Variants in MYH14 observed in about 807,000 individuals in gnomAD.
The protein encoded by MYH14 is myosin heavy chain 14.
A neutral mutation model predicts 255.5 loss-of-function variants in MYH14; 123 were observed. That is an observed-to-expected ratio of 0.48 (90% CI 0.42 to 0.56). The LOEUF (loss-of-function observed/expected upper bound fraction) is 0.56, where lower values mean the gene tolerates loss of function less well. MYH14 is among the 20% of genes least tolerant of loss of function. The pLI, the probability that MYH14 is intolerant of heterozygous loss-of-function variation, is 0.00. For missense variants in MYH14, 2,423 were observed against 2,802.3 expected, an observed-to-expected ratio of 0.86 and a Z score of 3.06; for synonymous variants, 1,095 against 1,161.2, an observed-to-expected ratio of 0.94 and a Z score of 1.16.
chr19:50,261,062 CACT>C (rs1334416904), intron 20 of MYH14, among the ~76,000 whole-genome samples: 1 of 82,906 alleles, frequency 1.2e-5, no homozygotes, highest in Non-Finnish European at 2.6e-5. Context: ...TCCCCATCAC[CACT>C]CCCCCATCGC....
intron 30 of MYH14, among the ~76,000 whole-genome samples, chr19:50,278,845 G>A (rs908656824): frequency 7.3e-5 from 11 of 151,558 alleles, no homozygotes; most frequent in African/African-American, 1.5e-4. Context: ...AAAATTAGCC[G>A]GGCGTGATGG....
In MYH14 at chr19:50,310,042, C is replaced by G; in HGVS notation, c.*252C>G. 1 of 595,908 alleles carries G rather than the reference C, an allele frequency of 1.7e-6. No individual in the cohort carries two copies. The highest frequency in any genetic ancestry group is 3.0e-6 in the Non-Finnish European group (1 of 336,402). 36.9% of individuals were successfully genotyped at this position (595,908 alleles called of 1,614,324 possible). On this transcript the variant is annotated 3_prime_UTR_variant, in exon 43 of 43. Transcript: ENST00000642316. ...ACCTTGCTTGTTGGGGGACTGGGTA[C>G]AGTTGGCAAGCTGTGTTTCCATCAG... is the stretch of plus-strand genomic sequence containing the variant.
chr19:50,264,911 T>G (rs2035026052), intron 22 of MYH14, among the ~76,000 whole-genome samples: 1 of 151,972 alleles, frequency 6.6e-6, no homozygotes, highest in Non-Finnish European at 1.5e-5. Context: ...AGGGGGAAAT[T>G]GGAAAGGAAT....
intron 39 of MYH14, among the ~76,000 whole-genome samples, chr19:50,294,622 G>A (rs4802682): frequency 0.66 from 99,350 of 150,772 alleles, 34,993 homozygotes; most frequent in East Asian, 0.92. Context: ...CCAACTACCT[G>A]GGAGGCTGAG....
chr19:50,217,464 T>A (rs2032540309), intron 2 of MYH14, 151 bp from the exon 3 acceptor site: 1 of 932,682 alleles, frequency 1.1e-6, no homozygotes, highest in African/African-American at 1.6e-5. Flanking sequence ...AAAATGCTCA[T>A]AACAAACATT....
intron 39 of MYH14, among the ~76,000 whole-genome samples, chr19:50,294,434 ATTT>A (rs35542007): frequency 0.048 from 6,478 of 134,486 alleles, 182 homozygotes; most frequent in African/African-American, 0.07. Flanking sequence ...TTTTTTTCTA[ATTT>A]TTTTTTTTTT....
rs1412898548 is a variant in MYH14, at chr19:50,255,227, G to A, written c.1953G>A (p.Gly651=). ...LTAEIWKDEH[G]GFQQFSFLGS... ...TCTGTCCTCACTCCCCAGAACATGG[G>A]GGCTTCCAGCAGTTCTCTTTCCTTG... The change falls in exon 17 of 43, where the codon GGG becomes GGA. Residue 651 remains glycine, a synonymous_variant. Transcript: ENST00000642316. 5 of 1,551,054 alleles carry A rather than the reference G, an allele frequency of 3.2e-6. No individual in the cohort carries two copies. The highest frequency in any genetic ancestry group is 4.4e-6 in the Non-Finnish European group (5 of 1,146,668).
chr19:50,241,431 C>A (rs558640267), intron 10 of MYH14, among the ~76,000 whole-genome samples: 37 of 151,672 alleles, frequency 2.4e-4, no homozygotes, highest in African/African-American at 9.0e-4. Context: ...AAGACTCTAT[C>A]TCAAAAGAAA....
chr19:50,284,551 T>A (rs532317589), intron 33 of MYH14, among the ~76,000 whole-genome samples: 35 of 151,726 alleles, frequency 2.3e-4, no homozygotes, highest in African/African-American at 3.6e-4. Flanking sequence ...TATTTTTATT[T>A]TTTTTTTATT....
rs1361761143 is a variant in MYH14, at chr19:50,221,219, G to A, written c.563-1864G>A. Among the ~76,000 whole-genome samples the A allele has an allele frequency of 2.6e-5, 4 of 152,198 alleles. No individual in the cohort carries two copies. The South Asian group carries it at 8.3e-4, about 32-fold the overall frequency. ...CATTCTGAGTTCTGACTACAGCCCT[G>A]GGAGATGGCAGCTGTTTTGAGCCCC... is the stretch of plus-strand genomic sequence containing the variant. On this transcript the variant is annotated intron_variant, in intron 3 of 42. Transcript: ENST00000642316. This position sits in a 1 kb window ranked among gnomAD's most constrained non-coding sequence, Gnocchi z 5.3.
At position 50,293,285 on chromosome 19, in the gene MYH14, A is replaced by G; in HGVS notation, c.5309A>G (p.Glu1770Gly). ...CGGCAGGCCCAGCAGGACCGGGATG[A>G]GATGGCAGATGAGGTGGCCAATGGT... is the stretch of plus-strand genomic sequence containing the variant. ...ARRQAQQDRD[E>G]MADEVANGNL... The change falls in exon 38 of 43, where the codon GAG becomes GGG. Residue 1770 changes from glutamate to glycine, a missense_variant. Physicochemically the swap from Glu to Gly is moderately conservative, Grantham distance 98. Coordinates refer to ENST00000642316, the MANE Select transcript of MYH14 (RefSeq NM_001145809.2). This position sits in a 1 kb window ranked among gnomAD's most constrained non-coding sequence, Gnocchi z 4.1. 1 of 1,609,318 alleles carries G rather than the reference A, an allele frequency of 6.2e-7. No individual in the cohort carries two copies. Among genetic ancestry groups the G allele is most frequent in the African/African-American group, 1.3e-5 (1 of 74,948 alleles).
intron 1 of MYH14, among the ~76,000 whole-genome samples, chr19:50,210,083 C>CGA (rs775310897): frequency 2.6e-4 from 27 of 105,156 alleles, no homozygotes; most frequent in Non-Finnish European, 4.3e-4. Context: ...GGGCAACAAG[C>CGA]GAGACTCCGT....
intron 33 of MYH14, chr19:50,284,817 C>G (rs1425665778): frequency 6.6e-6 from 1 of 151,874 alleles, no homozygotes; most frequent in Non-Finnish European, 1.5e-5. Context: ...ATATAAATAT[C>G]CAAGTATTCC....
intron 39 of MYH14, among the ~76,000 whole-genome samples, chr19:50,298,177 G>A (rs1318444034): frequency 6.6e-6 from 1 of 152,254 alleles, no homozygotes; most frequent in Non-Finnish European, 1.5e-5. Context: ...ACCCAGCGAG[G>A]CCTGTCTGTT....
chr19:50,273,991 G>A (rs1257282196), intron 27 of MYH14, among the ~76,000 whole-genome samples: 1 of 152,016 alleles, frequency 6.6e-6, no homozygotes, highest in Non-Finnish European at 1.5e-5. Flanking sequence ...CTAGTCATGT[G>A]ACCTCATGCA....
Position 50,276,893 on chromosome 19 carries a change from G to A in MYH14, c.3817G>A (p.Ala1273Thr). 6 of 1,527,340 alleles carry A rather than the reference G, an allele frequency of 3.9e-6. No individual in the cohort carries two copies. The highest frequency in any genetic ancestry group is 4.4e-6 in the Non-Finnish European group (5 of 1,127,812). 94.6% of individuals were successfully genotyped at this position (1,527,340 alleles called of 1,614,324 possible). The part of the protein sequence containing the change: ...LGELAEQLEQ[A>T]RRGKGAWEKT... Reference sequence around the variant, plus strand: ...GGAGCTGGCGGAGCAGCTGGAGCAGGCCCGGAGGGTGGGTTGGGGCAGGGG... The same window carrying A: ...GGAGCTGGCGGAGCAGCTGGAGCAGACCCGGAGGGTGGGTTGGGGCAGGGG... The change falls in exon 29 of 43, where the codon GCC becomes ACC. Residue 1273 changes from alanine (A) to threonine (T), a missense_variant. Transcript: ENST00000642316. This position sits in a 1 kb window ranked among gnomAD's most constrained non-coding sequence, Gnocchi z 4.3.
chr19:50,283,371 C>T (rs1242753148), intron 33 of MYH14, among the ~76,000 whole-genome samples: 4 of 152,202 alleles, frequency 2.6e-5, no homozygotes, highest in Non-Finnish European at 5.9e-5. Context: ...CCACCCACCT[C>T]GGCCTCCCGA....
intron 1 of MYH14, among the ~76,000 whole-genome samples, chr19:50,207,735 G>T (rs1409955926): frequency 3.3e-5 from 5 of 152,212 alleles, no homozygotes; most frequent in Non-Finnish European, 7.3e-5. Context: ...GACCAGAGGT[G>T]GTCAGGGAAC....
intron 12 of MYH14, 111 bp from the exon 13 acceptor site, chr19:50,248,876 G>A: frequency 9.1e-7 from 1 of 1,093,202 alleles, no homozygotes; most frequent in Non-Finnish European, 1.3e-6. Context: ...TCAAGGAGCT[G>A]GGAGGCGACC....
Sources: allele counts gnomAD v4.1 joint callset (sites outside exome capture counted in the v4.1 genomes callset), GRCh38; gene constraint gnomAD v4.1.1; non-coding constraint Gnocchi (gnomAD v3.1); transcripts MANE v1.5; gene names NCBI Gene and HGNC (gene_info 2026-07-23, HGNC 2026-07-21).